Variants in EOGT observed in about 807,000 individuals in gnomAD.
EOGT encodes the protein EGF domain specific O-linked N-acetylglucosamine transferase.
A neutral mutation model predicts 70.5 loss-of-function variants in EOGT; 55 were observed. That is an observed-to-expected ratio of 0.78 (90% CI 0.63 to 0.98). EOGT has a LOEUF of 0.98. Among genes scored for constraint, EOGT ranks in the 50% least tolerant of loss-of-function variants. The probability of loss-of-function intolerance (pLI) is 0.00; values close to 1 mark genes in which losing one functional copy is unlikely to be tolerated. For synonymous variants in EOGT, 246 were observed against 217.1 expected (o/e 1.13, Z -1.17); for missense variants, 703 against 641.9 (o/e 1.10, Z -1.03).
chr3:69,007,727 G>C lies in EOGT; in HGVS notation c.406C>G (p.Gln136Glu). Residue 136 changes from glutamine (Q) to glutamate (E), a missense_variant, in exon 6 of 18, where the codon CAG becomes GAG. Gln to Glu is a conservative substitution (Grantham distance 29, BLOSUM62 2). Transcript: ENST00000383701. ...ERLEEMHVLC[Q>E]PKETSDSSLV... ...AAAATACCCACCGTTTCCTTAGGCTGACAGAGCACATGCATCTCCTCCAGC... is the reference window on the plus strand; with the variant it reads ...AAAATACCCACCGTTTCCTTAGGCTCACAGAGCACATGCATCTCCTCCAGC... 6 of 1,608,018 alleles carry C rather than the reference G, an allele frequency of 3.7e-6. No individual in the cohort carries two copies. Among genetic ancestry groups the C allele is most frequent in the Non-Finnish European group, 5.1e-6 (6 of 1,176,122 alleles).
At chr3:69,003,292 A>G (rs1043498050) in intron 8 of EOGT, among the ~76,000 whole-genome samples, 3 of 152,170 alleles carry the variant, frequency 2.0e-5, no homozygotes, top group Non-Finnish European at 2.9e-5. Flanking sequence ...GAATTAGACA[A>G]CGTACAAGTT....
chr3:68,990,421 G>A (rs895871871), intron 10 of EOGT, among the ~76,000 whole-genome samples: 1 of 142,116 alleles, frequency 7.0e-6, no homozygotes, highest in Non-Finnish European at 1.5e-5. Context: ...GTCGTGATCT[G>A]GGCTCACTGC....
intron 10 of EOGT, among the ~76,000 whole-genome samples, chr3:68,989,540 G>T (rs1457786289): frequency 6.6e-6 from 1 of 152,006 alleles, no homozygotes; most frequent in African/African-American, 2.4e-5. Context: ...CTGAGGTCAG[G>T]AGTTTGAGAC....
At chr3:69,009,338 A>C (rs2091512125) in intron 4 of EOGT, among the ~76,000 whole-genome samples, 1 of 152,202 alleles carries the variant, frequency 6.6e-6, no homozygotes, top group Non-Finnish European at 1.5e-5. Context: ...TTCTTTAGTT[A>C]CTTTTAACAA....
chr3:69,013,042 G>A (rs1006927108), intron 1 of EOGT, among the ~76,000 whole-genome samples: 2 of 152,140 alleles, frequency 1.3e-5, no homozygotes, highest in East Asian at 1.9e-4. Flanking sequence ...GGAAGTGCTC[G>A]GCTGCCCCTT....
At chr3:68,984,794 C>T (rs533696980) in intron 14 of EOGT, among the ~76,000 whole-genome samples, 1 of 152,140 alleles carries the variant, frequency 6.6e-6, no homozygotes, top group African/African-American at 2.4e-5. Context: ...TACCTTTCTA[C>T]TGGACTTCTC....
intron 10 of EOGT, 62 bp downstream of exon 10, chr3:68,997,949 C>G (rs544181099): frequency 1.0e-6 from 1 of 971,690 alleles, no homozygotes; most frequent in African/African-American, 1.7e-5. Context: ...TTCACAACAT[C>G]AGAGTCACAC....
At position 69,005,295 on chromosome 3, in the gene EOGT, G is replaced by T. The variant is rs567762016; in HGVS notation, c.421-61C>A. 4 of 877,498 alleles carry T rather than the reference G, an allele frequency of 4.6e-6. No homozygotes were observed. The African/African-American group carries it at 5.0e-5, about 11-fold the overall frequency. The allele number at this position is 877,498 out of a possible 1,614,324, so 54.4% of individuals were successfully genotyped here. ...TATTAACACAGCAAAGACTCATCCGGACTTGCTAGACACACTGACAGCACG... is the reference window on the plus strand; with the variant it reads ...TATTAACACAGCAAAGACTCATCCGTACTTGCTAGACACACTGACAGCACG... On this transcript the variant is annotated intron_variant, in intron 6 of 17. Coordinates refer to ENST00000383701, the MANE Select transcript of EOGT (RefSeq NM_001278689.2).
intron 15 of EOGT, 65 bp from the exon 16 acceptor site, chr3:68,979,852 T>C: frequency 1.3e-6 from 2 of 1,502,036 alleles, no homozygotes; most frequent in Non-Finnish European, 1.8e-6. Context: ...TTGAGTTAGT[T>C]CATGATTCAC....
chr3:68,984,223 A>T (rs200849512), intron 14 of EOGT, among the ~76,000 whole-genome samples: 10 of 139,504 alleles, frequency 7.2e-5, no homozygotes, highest in South Asian at 4.5e-4. Context: ...TCTCTCTCTC[A>T]CACTCACACA....
chr3:69,007,942 A>G (rs575671496), intron 5 of EOGT, 121 bp from the exon 6 acceptor site: 2 of 642,806 alleles, frequency 3.1e-6, no homozygotes. Flanking sequence ...ACAGTATATT[A>G]TCATAGTTTT....
intron 16 of EOGT, 98 bp downstream of exon 16, chr3:68,979,569 GA>G: frequency 7.8e-7 from 1 of 1,290,010 alleles, no homozygotes. Context: ...CTTTTTGAAT[GA>G]TTAAATATTA....
At chr3:68,994,220 T>G (rs1412698100) in intron 10 of EOGT, among the ~76,000 whole-genome samples, 2 of 152,164 alleles carry the variant, frequency 1.3e-5, no homozygotes, top group Non-Finnish European at 2.9e-5. Context: ...GGCATGCACA[T>G]GTAGTCCTAG....
intron 11 of EOGT, 118 bp downstream of exon 11, chr3:68,988,807 C>T: frequency 3.1e-6 from 2 of 655,602 alleles, no homozygotes; most frequent in Non-Finnish European, 5.0e-6. Context: ...AAAAGAAATT[C>T]AGAAATTCAG....
intron 3 of EOGT, 73 bp from the exon 4 acceptor site, chr3:69,009,933 C>CAAAAAAAAAAAAAAAAAAAAAA: frequency 1.2e-5 from 3 of 255,196 alleles, no homozygotes; most frequent in South Asian, 4.7e-5. Context: ...ACAACAACAA[C>CAAAAAAAAAAAAAAAAAAAAAA]AAAAAAAAAA....
rs764750079 is a variant in EOGT at position 69,005,133 on chromosome 3, A to T, written c.515+7T>A. ...ATACTAGATGTTAACATTAACCACT[A>T]AAGTACCTGTCATGATTTCTCTTGA... On this transcript the variant is annotated splice_region_variant and intron_variant, in intron 7 of 17. Coordinates refer to ENST00000383701, the MANE Select transcript of EOGT (RefSeq NM_001278689.2). The T allele has an allele frequency of 5.7e-5, 84 of 1,478,212 alleles. No individual in the cohort carries two copies. Among genetic ancestry groups the T allele is most frequent in the Non-Finnish European group, 6.6e-5 (70 of 1,065,512 alleles). 91.6% of individuals were successfully genotyped at this position (1,478,212 alleles called of 1,614,324 possible).
rs60324569 is a variant in EOGT, at chr3:69,009,933, C to CAA, written c.-14-75_-14-74dup. 1,379 of 256,698 alleles carry CAA rather than the reference C, an allele frequency of 5.4e-3. 31 individuals carry two copies. Among genetic ancestry groups the CAA allele is most frequent in the African/African-American group, 0.04 (1,225 of 30,944 alleles). The allele number at this position is 256,698 out of a possible 1,614,324, so 15.9% of individuals were successfully genotyped here. A position where few individuals can be genotyped will look rare whatever the true frequency, so the allele number is the denominator to read the frequency against. ...GCCAAAACAACAACAACAACAACAA[C>CAA]AAAAAAAAAAAAAAAACAAAGGGTC... is the stretch of plus-strand genomic sequence containing the variant. On this transcript the variant is annotated intron_variant, in intron 3 of 17. Transcript: ENST00000383701.
chr3:68,993,488 A>T (rs2091054806), intron 10 of EOGT, among the ~76,000 whole-genome samples: 1 of 152,152 alleles, frequency 6.6e-6, no homozygotes, highest in African/African-American at 2.4e-5. Flanking sequence ...TATTGTCCAT[A>T]TCACTATCAG....
intron 14 of EOGT, among the ~76,000 whole-genome samples, chr3:68,984,947 T>C (rs1291479964): frequency 6.6e-6 from 1 of 152,174 alleles, no homozygotes; most frequent in Admixed American, 6.5e-5. Flanking sequence ...CCTGACTACC[T>C]TGACTCACGC....
Sources: allele counts gnomAD v4.1 joint callset (sites outside exome capture counted in the v4.1 genomes callset), GRCh38; gene constraint gnomAD v4.1.1; transcripts MANE v1.5; gene names NCBI Gene and HGNC (gene_info 2026-07-23, HGNC 2026-07-21).